Variants in PCDHAC2 observed in about 807,000 individuals in gnomAD.
PCDHAC2 encodes the protein protocadherin alpha-C2.
Under a neutral mutation model 63.3 loss-of-function variants are expected in PCDHAC2, and 24 were observed. The observed-to-expected ratio is 0.38, with a 90% confidence interval of 0.27 to 0.53. The LOEUF (loss-of-function observed/expected upper bound fraction) is 0.53. Ranked by LOEUF, PCDHAC2 falls within the 20% of genes least tolerant of loss-of-function variation. PCDHAC2 has a pLI of 0.81. For synonymous variants in PCDHAC2, 569 were observed against 529.4 expected, an observed-to-expected ratio of 1.07 and a Z score of -1.03; for missense variants, 1,181 against 1,275.2, an observed-to-expected ratio of 0.93 and a Z score of 1.12.
intron 3 of PCDHAC2, among the ~76,000 whole-genome samples, chr5:140,996,349 A>G (rs2097722990): frequency 6.6e-6 from 1 of 152,184 alleles, no homozygotes; most frequent in African/African-American, 2.4e-5. Flanking sequence ...AACCCAACCA[A>G]AGTCAGAAGC....
rs2098422926 is a variant in PCDHAC2 at position 141,012,085 on chromosome 5, G to A, written c.*2148G>A. The A allele has an allele frequency of 1.3e-5, 2 of 153,740 alleles. No homozygotes were observed. Among genetic ancestry groups the A allele is most frequent in the Admixed American group, 1.3e-4 (2 of 15,280 alleles). 9.5% of individuals were successfully genotyped at this position (153,740 alleles called of 1,614,324 possible). A position where few individuals can be genotyped will look rare whatever the true frequency, so the allele number is the denominator to read the frequency against. ...ACATGTGAACCATTGCTACATTGTAGGTTGTGATCATTTTGCCCCACTGAA... is the reference window on the plus strand; with the variant it reads ...ACATGTGAACCATTGCTACATTGTAAGTTGTGATCATTTTGCCCCACTGAA... On this transcript the variant is annotated 3_prime_UTR_variant, in exon 4 of 4. Coordinates refer to ENST00000289269, the MANE Select transcript of PCDHAC2 (RefSeq NM_018899.6).
Position 141,010,368 on chromosome 5 carries a change from C to A in PCDHAC2, c.*431C>A. On this transcript the variant is annotated 3_prime_UTR_variant, in exon 4 of 4. Transcript: ENST00000289269. ...GGTATGTGTGGCTACCGCGGGTATG[C>A]GAGTGCCAGATATTGGCTGAGACGA... 2 of 1,471,050 alleles carry A rather than the reference C, an allele frequency of 1.4e-6. No homozygotes were observed. Among genetic ancestry groups the A allele is most frequent in the Non-Finnish European group, 1.8e-6 (2 of 1,106,904 alleles). The allele number at this position is 1,471,050 out of a possible 1,614,324, so 91.1% of individuals were successfully genotyped here. A position where few individuals can be genotyped will look rare whatever the true frequency, so the allele number is the denominator to read the frequency against.
chr5:140,982,544 A>G lies in PCDHAC2; in HGVS notation c.2694A>G (p.Thr898=), dbSNP rs781800144. 1.5e-5 allele frequency: 25 copies of G among 1,614,098 alleles called. No individual in the cohort carries two copies. Among genetic ancestry groups the G allele is most frequent in the Non-Finnish European group, 2.1e-5 (25 of 1,180,048 alleles). Residue 898 remains threonine (T), a synonymous_variant, in exon 3 of 4, where the codon ACA becomes ACG. Coordinates refer to ENST00000289269, the MANE Select transcript of PCDHAC2 (RefSeq NM_018899.6). ...GAGGGCCTGATCAGCAGTGGCCAAC[A>G]GTATCCAGTGCAACACCAGGTAAAG... The part of the protein sequence containing the change: ...GPGGPDQQWP[T]VSSATPEPEA...
intron 3 of PCDHAC2, among the ~76,000 whole-genome samples, chr5:140,995,648 G>A (rs548703031): frequency 1.3e-5 from 2 of 152,248 alleles, no homozygotes; most frequent in South Asian, 2.1e-4. Flanking sequence ...TAGAAAAGGA[G>A]AATCGAAAAG....
At chr5:140,999,114 T>C (rs2097847387) in intron 3 of PCDHAC2, among the ~76,000 whole-genome samples, 2 of 152,180 alleles carry the variant, frequency 1.3e-5, no homozygotes, top group Non-Finnish European at 2.9e-5. Context: ...CTAGCAACCA[T>C]TTCTAAGCTG....
At chr5:140,998,247 T>C (rs2097802911) in intron 3 of PCDHAC2, among the ~76,000 whole-genome samples, 1 of 152,216 alleles carries the variant, frequency 6.6e-6, no homozygotes, top group Non-Finnish European at 1.5e-5. Flanking sequence ...ATTATACTCA[T>C]TTTACTGCTA....
At chr5:141,007,419 T>C (rs1554261276) in intron 3 of PCDHAC2, among the ~76,000 whole-genome samples, 3 of 141,394 alleles carry the variant, frequency 2.1e-5, no homozygotes, top group African/African-American at 5.2e-5. Flanking sequence ...AAAAAAAAAA[T>C]TAGCCAGGCA....
intron 3 of PCDHAC2, among the ~76,000 whole-genome samples, chr5:141,000,395 CTATATA>C (rs1190667031): frequency 5.7e-4 from 31 of 53,962 alleles, no homozygotes; most frequent in Admixed American, 2.5e-3. Flanking sequence ...CTCTCTCTCT[CTATATA>C]TATATATATA....
At chr5:141,003,221 G>A (rs2098116088) in intron 3 of PCDHAC2, among the ~76,000 whole-genome samples, 1 of 152,206 alleles carries the variant, frequency 6.6e-6, no homozygotes, top group Admixed American at 6.5e-5. Flanking sequence ...GCATGAAAGA[G>A]GAAAGCTGGA....
At chr5:140,980,447 C>T (rs952861849) in intron 2 of PCDHAC2, among the ~76,000 whole-genome samples, 4 of 152,036 alleles carry the variant, frequency 2.6e-5, no homozygotes, top group Admixed American at 6.6e-5. Context: ...CTGGACAACA[C>T]GGTGAAACCC....
chr5:140,967,141 G>T lies in PCDHAC2; in HGVS notation c.375G>T (p.Ala125=). The T allele has an allele frequency of 1.2e-6, 2 of 1,611,258 alleles. No homozygotes were observed. Among genetic ancestry groups the T allele is most frequent in the South Asian group, 1.1e-5 (1 of 90,992 alleles). ...PRCLLSLEVL[A]HNPVAVSAVE... is the part of the protein sequence containing the mutation. ...GCCTGCTCAGCTTGGAAGTGCTGGC[G>T]CACAACCCCGTGGCGGTGAGCGCCG... The change falls in exon 1 of 4, where the codon GCG becomes GCT. Residue 125 remains alanine, a synonymous_variant. Transcript: ENST00000289269.
At chr5:140,971,630 C>A (rs1281130153) in intron 1 of PCDHAC2, among the ~76,000 whole-genome samples, 1 of 151,972 alleles carries the variant, frequency 6.6e-6, no homozygotes, top group Non-Finnish European at 1.5e-5. Context: ...ACAATTAGTA[C>A]CATGTGCCTA....
chr5:141,007,683 A>G (rs576789056), intron 3 of PCDHAC2, among the ~76,000 whole-genome samples: 1 of 152,268 alleles, frequency 6.6e-6, no homozygotes, highest in African/African-American at 2.4e-5. Context: ...AAGTTATCCT[A>G]CTTCCACCTC....
chr5:141,004,897 G>T (rs1455115465), intron 3 of PCDHAC2, among the ~76,000 whole-genome samples: 1 of 152,154 alleles, frequency 6.6e-6, no homozygotes, highest in Non-Finnish European at 1.5e-5. Context: ...TGTCAGCTCT[G>T]CCAGGGTGTA....
chr5:140,994,717 A>T (rs1350882833), intron 3 of PCDHAC2, among the ~76,000 whole-genome samples: 4 of 152,164 alleles, frequency 2.6e-5, no homozygotes, highest in Admixed American at 6.6e-5. Context: ...AAAAAAATTT[A>T]AAATACTGGG....
intron 3 of PCDHAC2, among the ~76,000 whole-genome samples, chr5:141,005,605 G>A (rs1366861614): frequency 7.3e-5 from 11 of 150,146 alleles, no homozygotes; most frequent in African/African-American, 2.7e-4. Context: ...AGGAGGCTGA[G>A]GCAGGAGAAT....
rs1554263423 is a variant in PCDHAC2 at position 141,011,323 on chromosome 5, C to T, written c.*1386C>T. 1 of 153,686 alleles carries T rather than the reference C, an allele frequency of 6.5e-6. No individual in the cohort carries two copies. The highest frequency in any genetic ancestry group is 1.5e-5 in the Non-Finnish European group (1 of 68,036). The allele number at this position is 153,686 out of a possible 1,614,324, so 9.5% of individuals were successfully genotyped here. A position where few individuals can be genotyped will look rare whatever the true frequency, so the allele number is the denominator to read the frequency against. ...TCTGAATTGCTAATCTTACTAACACCTATGATGTTACCTGAAATCAATCTC... is the reference window on the plus strand; with the variant it reads ...TCTGAATTGCTAATCTTACTAACACTTATGATGTTACCTGAAATCAATCTC... On this transcript the variant is annotated 3_prime_UTR_variant, in exon 4 of 4. Transcript: ENST00000289269.
chr5:140,997,664 C>A (rs2097778003), intron 3 of PCDHAC2, among the ~76,000 whole-genome samples: 1 of 142,906 alleles, frequency 7.0e-6, no homozygotes, highest in African/African-American at 2.5e-5. Context: ...TATTATTATA[C>A]AGCTTGTGTG....
At chr5:140,976,140 C>T (rs1276971902) in intron 1 of PCDHAC2, among the ~76,000 whole-genome samples, 9 of 152,130 alleles carry the variant, frequency 5.9e-5, no homozygotes, top group African/African-American at 1.7e-4. Flanking sequence ...CTGGATGAAA[C>T]TCATGTACAT....
Sources: allele counts gnomAD v4.1 joint callset (sites outside exome capture counted in the v4.1 genomes callset), GRCh38; gene constraint gnomAD v4.1.1; transcripts MANE v1.5; gene names NCBI Gene and HGNC (gene_info 2026-07-23, HGNC 2026-07-21).